Variants in SPTLC2 observed in about 807,000 individuals in gnomAD.
The protein encoded by SPTLC2 is serine palmitoyltransferase long chain base subunit 2, also known as serine palmitoyltransferase 2.
SPTLC2 carries 21 observed loss-of-function variants against 62.0 expected under a neutral mutation model. The ratio of observed to expected loss-of-function variants is 0.34; its 90% CI spans 0.24 to 0.49. The LOEUF (loss-of-function observed/expected upper bound fraction) is 0.49. Among genes scored for constraint, SPTLC2 ranks in the 20% least tolerant of loss-of-function variants. The probability of loss-of-function intolerance (pLI) is 0.99; values close to 1 mark genes in which losing one functional copy is unlikely to be tolerated. For missense variants in SPTLC2, 511 were observed against 713.0 expected (o/e 0.72, Z 3.23); for synonymous variants, 261 against 261.8 (o/e 1.00, Z 0.03).
At chr14:77,528,274 C>G (rs543843673) in intron 9 of SPTLC2, among the ~76,000 whole-genome samples, 32 of 152,198 alleles carry the variant, frequency 2.1e-4, no homozygotes, top group African/African-American at 5.8e-4. Flanking sequence ...TCTTGTTGCC[C>G]AGGCAGGAGT....
intron 1 of SPTLC2, among the ~76,000 whole-genome samples, chr14:77,615,534 G>C (rs181505199): frequency 1.2e-3 from 180 of 152,270 alleles, no homozygotes; most frequent in African/African-American, 4.2e-3. Flanking sequence ...CAAAATTATC[G>C]CAACACTCTC....
At chr14:77,513,016 C>CTTTTTTTTTTTTTTTTTTTTTTTT (rs1190713237) in intron 11 of SPTLC2, among the ~76,000 whole-genome samples, 1 of 62,820 alleles carries the variant, frequency 1.6e-5, no homozygotes, top group Non-Finnish European at 2.7e-5. Context: ...AACCCAGCAA[C>CTTTTTTTTTTTTTTTTTTTTTTTT]TTTTTTTTTT....
intron 2 of SPTLC2, among the ~76,000 whole-genome samples, chr14:77,593,144 T>G (rs1289795747): frequency 2.6e-5 from 4 of 151,744 alleles, no homozygotes; most frequent in Admixed American, 2.0e-4. Context: ...TAAGTGAGAA[T>G]GTGGTATTTG....
intron 5 of SPTLC2, among the ~76,000 whole-genome samples, chr14:77,566,770 T>G (rs1195347534): frequency 6.7e-6 from 1 of 149,856 alleles, no homozygotes; most frequent in African/African-American, 2.5e-5. Context: ...ACAAAATAAT[T>G]ATTAAATAAG....
chr14:77,535,806 G>T (rs908933957), intron 9 of SPTLC2: 4 of 347,782 alleles, frequency 1.2e-5, no homozygotes, highest in East Asian at 1.8e-4. Flanking sequence ...TATTATGACT[G>T]GCTGGCTATT....
intron 1 of SPTLC2, among the ~76,000 whole-genome samples, chr14:77,603,823 C>T (rs1181943996): frequency 1.3e-5 from 2 of 152,234 alleles, no homozygotes; most frequent in African/African-American, 4.8e-5. Flanking sequence ...AGTTATCACA[C>T]TGGCCACCCA....
chr14:77,570,756 C>T (rs1003867224), intron 4 of SPTLC2, among the ~76,000 whole-genome samples: 9 of 152,118 alleles, frequency 5.9e-5, no homozygotes, highest in African/African-American at 1.4e-4. Context: ...AAGGGGGCTG[C>T]GAAAAATTTC....
Position 77,509,875 on chromosome 14 carries a change from C to T in SPTLC2, c.*2409G>A, listed in dbSNP as rs995140981. ...ACACTTATCTTGAAATAACTTTGTA[C>T]CAACAAAGTGATATAGATATATTTT... is the stretch of plus-strand genomic sequence containing the variant. On this transcript the variant is annotated 3_prime_UTR_variant, in exon 12 of 12. Transcript: ENST00000216484. 1.5e-5 allele frequency: 6 copies of T among 398,252 alleles called. No individual in the cohort carries two copies. Among genetic ancestry groups the T allele is most frequent in the African/African-American group, 1.0e-4 (5 of 48,590 alleles). 24.7% of individuals were successfully genotyped at this position (398,252 alleles called of 1,614,324 possible).
intron 9 of SPTLC2, among the ~76,000 whole-genome samples, chr14:77,521,969 A>G (rs559136092): frequency 6.6e-6 from 1 of 152,280 alleles, no homozygotes; most frequent in Admixed American, 6.5e-5. Context: ...CAGTTGCACA[A>G]TAGTGTGTGG....
intron 6 of SPTLC2, 104 bp downstream of exon 6, chr14:77,562,292 C>T (rs1476487205): frequency 9.8e-7 from 1 of 1,020,532 alleles, no homozygotes; most frequent in African/African-American, 1.6e-5. Flanking sequence ...GCTACTTTGT[C>T]TTCATTTATA....
rs150593707 is a variant in SPTLC2 at position 77,562,789 on chromosome 14, C to T, written c.757-300G>A. Among the ~76,000 whole-genome samples the T allele has an allele frequency of 6.6e-5, 10 of 152,228 alleles. No homozygotes were observed. In the East Asian group the frequency reaches 1.2e-3, roughly 18 times the overall value. On this transcript the variant is annotated intron_variant, in intron 5 of 11. Coordinates refer to ENST00000216484, the MANE Select transcript of SPTLC2 (RefSeq NM_004863.4). ...ATTTGTATCTAAAACATGACACATC[C>T]GTCTCTAAAACGTTTTGGTTTCTTT...
At chr14:77,549,086 G>A (rs566849903) in intron 9 of SPTLC2, among the ~76,000 whole-genome samples, 3 of 152,262 alleles carry the variant, frequency 2.0e-5, no homozygotes, top group African/African-American at 7.2e-5. Flanking sequence ...GGTAGGGCCT[G>A]GTGGGAGGTG....
intron 1 of SPTLC2, among the ~76,000 whole-genome samples, chr14:77,602,047 C>T (rs761534383): frequency 1.3e-5 from 2 of 152,076 alleles, no homozygotes; most frequent in African/African-American, 2.4e-5. Flanking sequence ...AAGTCAACTG[C>T]GGGGACGCCT....
chr14:77,581,842 G>A (rs1290299221), intron 2 of SPTLC2, among the ~76,000 whole-genome samples: 2 of 151,978 alleles, frequency 1.3e-5, no homozygotes, highest in Non-Finnish European at 1.5e-5. Context: ...CTTCCAACAA[G>A]TATACTGGTT....
At chr14:77,580,146 AAAGAG>A (rs1250230434) in intron 2 of SPTLC2, among the ~76,000 whole-genome samples, 1 of 152,210 alleles carries the variant, frequency 6.6e-6, no homozygotes, top group African/African-American at 2.4e-5. Context: ...AAACAAATCC[AAAGAG>A]AAAATAATAA....
At chr14:77,552,559 A>T (rs1368337183) in intron 8 of SPTLC2, among the ~76,000 whole-genome samples, 2 of 152,172 alleles carry the variant, frequency 1.3e-5, no homozygotes, top group Non-Finnish European at 2.9e-5. Context: ...TAATCCCAGC[A>T]GTTTGGGAGG....
chr14:77,586,403 T>C (rs901182247), intron 2 of SPTLC2, among the ~76,000 whole-genome samples: 2 of 152,156 alleles, frequency 1.3e-5, no homozygotes, highest in African/African-American at 4.8e-5. Flanking sequence ...AAGGTAAATA[T>C]AGACTTTCCA....
intron 2 of SPTLC2, among the ~76,000 whole-genome samples, chr14:77,588,395 T>C (rs1038536234): frequency 6.6e-6 from 1 of 152,076 alleles, no homozygotes; most frequent in Non-Finnish European, 1.5e-5. Context: ...CATCACACAG[T>C]TAAAATTCAT....
At chr14:77,546,714 A>G (rs1032361464) in intron 9 of SPTLC2, among the ~76,000 whole-genome samples, 2 of 148,824 alleles carry the variant, frequency 1.3e-5, no homozygotes, top group African/African-American at 4.9e-5. Flanking sequence ...TTGTTGCTTG[A>G]TAAGTGTTTA....
Sources: gnomAD v4.1 joint callset for allele counts (sites outside exome capture counted in the v4.1 genomes callset) on GRCh38, gnomAD v4.1.1 for gene constraint, MANE v1.5 for transcripts, NCBI Gene and HGNC (gene_info 2026-07-23, HGNC 2026-07-21) for gene names.